Variants in CHN1 observed in about 807,000 individuals in gnomAD.
CHN1 encodes the protein chimerin 1.
In CHN1, 37 loss-of-function variants were observed where a neutral mutation model predicts 59.5. The ratio of observed to expected loss-of-function variants is 0.62; its 90% CI spans 0.48 to 0.82. The LOEUF (loss-of-function observed/expected upper bound fraction) is 0.82, where lower values mean the gene tolerates loss of function less well. CHN1 is among the 40% of genes least tolerant of loss of function. The pLI, the probability that CHN1 is intolerant of heterozygous loss-of-function variation, is 0.00. For missense variants in CHN1, 469 were observed against 571.0 expected (o/e 0.82, Z 1.82); for synonymous variants, 206 against 200.4 (o/e 1.03, Z -0.24).
chr2:174,843,228 A>AT (rs1686376168), intron 7 of CHN1, among the ~76,000 whole-genome samples: 1 of 151,390 alleles, frequency 6.6e-6, no homozygotes, highest in Non-Finnish European at 1.5e-5. Flanking sequence ...TGTAGCTTTT[A>AT]TTATTTATTT....
intron 5 of CHN1, 57 bp from the exon 6 acceptor site, chr2:174,878,185 C>A: frequency 1.4e-6 from 2 of 1,407,592 alleles, no homozygotes; most frequent in African/African-American, 1.5e-5. Context: ...TGAATTCTTT[C>A]TGAAAAAAAA....
Position 174,959,438 on chromosome 2 carries a change from G to C in CHN1, c.20-7236C>G, listed in dbSNP as rs4315487. 9.0e-3 allele frequency among the ~76,000 whole-genome samples: 1,363 copies of C among 152,222 alleles called. 5 individuals carry two copies. Among genetic ancestry groups the C allele is most frequent in the Non-Finnish European group, 0.013 (895 of 68,030 alleles). Reference sequence around the variant, plus strand: ...CAGGGGAGGAGGGGACACTGGGAGGGGAAAGTTGAATGGCTTAGGAAAAAG... The same window carrying C: ...CAGGGGAGGAGGGGACACTGGGAGGCGAAAGTTGAATGGCTTAGGAAAAAG... On this transcript the variant is annotated intron_variant, in intron 1 of 12. Coordinates refer to ENST00000409900, the MANE Select transcript of CHN1 (RefSeq NM_001822.7).
At chr2:174,883,460 T>C (rs982559530) in intron 5 of CHN1, among the ~76,000 whole-genome samples, 1 of 152,208 alleles carries the variant, frequency 6.6e-6, no homozygotes. Flanking sequence ...ACTGAAAGAT[T>C]CTACTCTTGG....
At chr2:174,851,367 CCT>C (rs781148861) in intron 6 of CHN1, among the ~76,000 whole-genome samples, 137 of 152,252 alleles carry the variant, frequency 9.0e-4, no homozygotes, top group Non-Finnish European at 1.5e-3. Context: ...GCAGCCTCAA[CCT>C]CCTGGGCTCC....
intron 3 of CHN1, among the ~76,000 whole-genome samples, chr2:174,929,857 T>C (rs1386097653): frequency 6.6e-6 from 1 of 152,228 alleles, no homozygotes; most frequent in Admixed American, 6.5e-5. Flanking sequence ...GTTTTACAAA[T>C]GTGCATCTAC....
At chr2:174,910,260 G>A (rs1225556544) in intron 5 of CHN1, among the ~76,000 whole-genome samples, 8 of 152,094 alleles carry the variant, frequency 5.3e-5, no homozygotes, top group African/African-American at 1.9e-4. Flanking sequence ...AATTTAGCAG[G>A]TTAAGTCATT....
chr2:174,957,446 T>TGGGG lies in CHN1; in HGVS notation c.20-5248_20-5245dup, dbSNP rs571065105. ...AATGCCTCTGCTAGGGTGTGTGTGT[T>TGGGG]GGGGGGGGGGGCAGTTAATTATATT... On this transcript the variant is annotated intron_variant, in intron 1 of 12. Transcript: ENST00000409900. 7.9e-3 allele frequency among the ~76,000 whole-genome samples: 707 copies of TGGGG among 89,482 alleles called. 5 individuals are homozygous for TGGGG. Among genetic ancestry groups the TGGGG allele is most frequent in the Non-Finnish European group, 8.9e-3 (418 of 46,940 alleles). The allele number at this position is 89,482 out of a possible 152,430, so 58.7% of individuals were successfully genotyped here.
intron 2 of CHN1, among the ~76,000 whole-genome samples, chr2:174,949,428 C>CCCACCT (rs1333682266): frequency 6.6e-6 from 1 of 152,136 alleles, no homozygotes; most frequent in Non-Finnish European, 1.5e-5. Context: ...AAGTAATCCT[C>CCCACCT]CCACCTCCAC....
intron 3 of CHN1, among the ~76,000 whole-genome samples, chr2:174,932,450 A>C (rs1390592030): frequency 6.6e-6 from 1 of 152,202 alleles, no homozygotes; most frequent in Non-Finnish European, 1.5e-5. Flanking sequence ...TATCTACAAG[A>C]GGCTGCGAAA....
In CHN1 at chr2:174,915,113, T is replaced by G. The variant is rs755200578; in HGVS notation, c.205A>C (p.Ser69Arg). 1.2e-6 allele frequency: 2 copies of G among 1,612,486 alleles called. No homozygotes were observed. The highest frequency in any genetic ancestry group is 1.7e-5 in the Admixed American group (1 of 59,912). ...CGCTGGCTCTCCCGGATGAGGTAGCTCCCCTCAGCCACAATCAAGAGCTGG... is the reference window on the plus strand; with the variant it reads ...CGCTGGCTCTCCCGGATGAGGTAGCGCCCCTCAGCCACAATCAAGAGCTGG... ...ADQLLIVAEG[S>R]YLIRESQRQP... The change falls in exon 5 of 13, where the codon AGC (serine) becomes CGC (arginine). Residue 69 changes from serine (S) to arginine (R), a missense_variant. Physicochemically the swap from Ser to Arg is moderately radical, Grantham distance 110. Around this residue, in one of 5 missense-constraint regions of CHN1, gnomAD observed 152 missense variants for 166.1 expected, o/e 0.92. Coordinates refer to ENST00000409900, the MANE Select transcript of CHN1 (RefSeq NM_001822.7).
chr2:174,981,481 C>T (rs1227901600), intron 1 of CHN1, among the ~76,000 whole-genome samples: 2 of 152,182 alleles, frequency 1.3e-5, no homozygotes, highest in African/African-American at 4.8e-5. Context: ...TATGACAAAG[C>T]AATTTAACTT....
intron 7 of CHN1, among the ~76,000 whole-genome samples, chr2:174,842,187 G>C (rs1686329773): frequency 2.0e-5 from 3 of 152,160 alleles, no homozygotes; most frequent in Admixed American, 1.3e-4. Context: ...GCATCTGCTA[G>C]TTACAGGCAT....
At chr2:174,863,402 A>T in intron 6 of CHN1, among the ~76,000 whole-genome samples, 1 of 152,220 alleles carries the variant, frequency 6.6e-6, no homozygotes, top group East Asian at 1.9e-4. Context: ...CTGAACACAG[A>T]AGCATTTATG....
chr2:174,946,845 T>G (rs941324997), intron 2 of CHN1, among the ~76,000 whole-genome samples: 1 of 146,172 alleles, frequency 6.8e-6, no homozygotes, highest in Non-Finnish European at 1.5e-5. Context: ...GGGAGGATCA[T>G]TTGAGCTCAA....
At chr2:174,884,041 C>T (rs1687820602) in intron 5 of CHN1, among the ~76,000 whole-genome samples, 1 of 148,866 alleles carries the variant, frequency 6.7e-6, no homozygotes, top group Non-Finnish European at 1.5e-5. Context: ...AATCTCAGCT[C>T]ACTGCAAGCT....
chr2:174,946,900 TAAAAAAAAAA>T (rs34155510), intron 2 of CHN1, among the ~76,000 whole-genome samples: 1 of 100,218 alleles, frequency 1.0e-5, no homozygotes, highest in African/African-American at 3.8e-5. Context: ...CTAAAAAATG[TAAAAAAAAAA>T]AAAAAAAAAA....
chr2:174,978,100 A>G (rs1181311344), intron 1 of CHN1, among the ~76,000 whole-genome samples: 2 of 152,252 alleles, frequency 1.3e-5, no homozygotes, highest in African/African-American at 4.8e-5. Context: ...GGTATATTAC[A>G]GTTTAAACAT....
chr2:174,958,805 T>C (rs1250265282), intron 1 of CHN1, among the ~76,000 whole-genome samples: 1 of 152,178 alleles, frequency 6.6e-6, no homozygotes, highest in Non-Finnish European at 1.5e-5. Flanking sequence ...CTTCAGTAAA[T>C]AAGAACCCTC....
chr2:174,927,172 G>C (rs1236304173), intron 3 of CHN1, among the ~76,000 whole-genome samples: 1 of 152,074 alleles, frequency 6.6e-6, no homozygotes, highest in African/African-American at 2.4e-5. Context: ...TGCCTCCCGA[G>C]CACGCATCCT....
Sources: gnomAD v4.1 joint callset for allele counts (sites outside exome capture counted in the v4.1 genomes callset) on GRCh38, gnomAD v4.1.1 for gene constraint, gnomAD v4.1.1 regional missense constraint, MANE v1.5 for transcripts, NCBI Gene and HGNC (gene_info 2026-07-23, HGNC 2026-07-21) for gene names.